VTI1A: variants seen among roughly 807,000 people sequenced by gnomAD.
VTI1A encodes vesicle transport through interaction with t-SNAREs homolog 1A.
VTI1A carries 22 observed loss-of-function variants against 34.9 expected under a neutral mutation model. The observed-to-expected ratio is 0.63, with a 90% CI of 0.45 to 0.90. The LOEUF (loss-of-function observed/expected upper bound fraction) is 0.90, where lower values mean the gene tolerates loss of function less well. VTI1A is among the 40% of genes least tolerant of loss of function. The pLI is 0.00. For synonymous variants in VTI1A, 87 were observed against 97.3 expected, an observed-to-expected ratio of 0.89 and a Z score of 0.62; for missense variants, 268 against 275.6, an observed-to-expected ratio of 0.97 and a Z score of 0.20.
intron 7 of VTI1A, among the ~76,000 whole-genome samples, chr10:112,747,069 G>C (rs1277061535): frequency 1.3e-5 from 2 of 152,194 alleles, no homozygotes; most frequent in Non-Finnish European, 2.9e-5. Context: ...ATTTGAACTA[G>C]GGCAGTCAGA....
intron 7 of VTI1A, among the ~76,000 whole-genome samples, chr10:112,751,959 A>G (rs1015796870): frequency 6.6e-6 from 1 of 152,206 alleles, no homozygotes. Context: ...AATAGCTACA[A>G]CTTACCTAGT....
chr10:112,591,126 C>G (rs1844370288), intron 5 of VTI1A, among the ~76,000 whole-genome samples: 1 of 152,046 alleles, frequency 6.6e-6, no homozygotes, highest in Non-Finnish European at 1.5e-5. Flanking sequence ...AAAGAAATAG[C>G]TTCAGCTACG....
chr10:112,544,445 C>T (rs957499646), intron 5 of VTI1A, among the ~76,000 whole-genome samples: 2 of 152,092 alleles, frequency 1.3e-5, no homozygotes, highest in Non-Finnish European at 2.9e-5. Context: ...AAGTTATCCA[C>T]CCACCTTGGC....
Position 112,527,020 on chromosome 10 carries a change from A to G in VTI1A, c.265-67A>G, listed in dbSNP as rs982507357. 1.2e-5 allele frequency: 18 copies of G among 1,521,758 alleles called. No individual in the cohort carries two copies. The Middle Eastern group carries it at 1.2e-3, about 101-fold the overall frequency. 94.3% of individuals were successfully genotyped at this position (1,521,758 alleles called of 1,614,324 possible). A position where few individuals can be genotyped will look rare whatever the true frequency, so the allele number is the denominator to read the frequency against. ...AGGTTTGAGATCAGCCTTGATACCAATAAAGCTTGGAAGCTTTTACTTTCT... is the reference window on the plus strand; with the variant it reads ...AGGTTTGAGATCAGCCTTGATACCAGTAAAGCTTGGAAGCTTTTACTTTCT... On this transcript the variant is annotated intron_variant, in intron 3 of 7. Transcript: ENST00000393077.
chr10:112,783,287 A>T (rs1361863352), intron 7 of VTI1A, among the ~76,000 whole-genome samples: 1 of 152,108 alleles, frequency 6.6e-6, no homozygotes, highest in Non-Finnish European at 1.5e-5. Context: ...AAATGAAAAC[A>T]ACTTTGGGAT....
At chr10:112,711,929 A>G (rs1171056870) in intron 7 of VTI1A, among the ~76,000 whole-genome samples, 1 of 152,144 alleles carries the variant, frequency 6.6e-6, no homozygotes, top group Admixed American at 6.5e-5. Context: ...TTCTCTGTCC[A>G]TTCTCTAGCT....
the VTI1A span, among the ~76,000 whole-genome samples, chr10:112,837,096 G>A: frequency 1.3e-5 from 2 of 152,192 alleles, no homozygotes; most frequent in African/African-American, 4.8e-5. Context: ...ACCGAGGCAG[G>A]CGGATCACGA....
intron 1 of VTI1A, among the ~76,000 whole-genome samples, chr10:112,455,679 C>T (rs1451124497): frequency 2.6e-4 from 38 of 145,170 alleles, no homozygotes; most frequent in African/African-American, 9.5e-4. Context: ...TCCTTCCTTC[C>T]TTCCTTCCTT....
At chr10:112,457,067 G>GA (rs1270830423) in intron 1 of VTI1A, among the ~76,000 whole-genome samples, 1 of 152,112 alleles carries the variant, frequency 6.6e-6, no homozygotes, top group Non-Finnish European at 1.5e-5. Flanking sequence ...ATTTAGAGAA[G>GA]AAAAAAACAA....
intron 5 of VTI1A, among the ~76,000 whole-genome samples, chr10:112,602,714 G>A (rs1844924158): frequency 6.6e-6 from 1 of 152,158 alleles, no homozygotes; most frequent in Non-Finnish European, 1.5e-5. Context: ...GTTTATAAAG[G>A]ATGCATACAC....
intron 5 of VTI1A, among the ~76,000 whole-genome samples, chr10:112,657,452 CA>C (rs1397907018): frequency 6.6e-6 from 1 of 151,924 alleles, no homozygotes; most frequent in Non-Finnish European, 1.5e-5. Flanking sequence ...AACATTTGTC[CA>C]GGCTTTGAGT....
chr10:112,737,740 C>T, intron 7 of VTI1A: 1 of 1,059,466 alleles, frequency 9.4e-7, no homozygotes, highest in East Asian at 5.2e-5. Context: ...AGCTCTCTGG[C>T]CGCCTTTCCT....
chr10:112,618,518 T>G (rs4997256), intron 5 of VTI1A, among the ~76,000 whole-genome samples: 22,690 of 46,456 alleles, frequency 0.49, 4,420 homozygotes, highest in Non-Finnish European at 0.51. Context: ...TATATATATA[T>G]ATATATAGAG....
chr10:112,612,405 T>TTTTTG (rs922878910), intron 5 of VTI1A, among the ~76,000 whole-genome samples: 2 of 152,136 alleles, frequency 1.3e-5, no homozygotes, highest in Admixed American at 6.5e-5. Flanking sequence ...GACAAGCACC[T>TTTTTG]TTTTGTTTTG....
intron 7 of VTI1A, among the ~76,000 whole-genome samples, chr10:112,747,377 C>T (rs1850934113): frequency 6.6e-6 from 1 of 152,212 alleles, no homozygotes; most frequent in Non-Finnish European, 1.5e-5. Flanking sequence ...GTAAAGTCTA[C>T]TACACACCTA....
chr10:112,737,825 G>A (rs1038844092), intron 7 of VTI1A: 3 of 1,059,884 alleles, frequency 2.8e-6, no homozygotes, highest in Middle Eastern at 4.2e-4. Context: ...CATTTTTCTT[G>A]CATTTCTTTC....
At chr10:112,501,480 AAAAG>A (rs1272707708) in intron 3 of VTI1A, among the ~76,000 whole-genome samples, 12 of 152,228 alleles carry the variant, frequency 7.9e-5, no homozygotes, top group African/African-American at 1.7e-4. Context: ...AAAATGAACA[AAAAG>A]AAAGAAATGA....
At chr10:112,810,168 C>T (rs1224251978) in intron 7 of VTI1A, among the ~76,000 whole-genome samples, 1 of 151,740 alleles carries the variant, frequency 6.6e-6, no homozygotes, top group Non-Finnish European at 1.5e-5. Flanking sequence ...TTTGGGAGGC[C>T]AAGATGGGCA....
At chr10:112,829,549 G>C in the VTI1A span, among the ~76,000 whole-genome samples, 1 of 152,026 alleles carries the variant, frequency 6.6e-6, no homozygotes, top group African/African-American at 2.4e-5. Flanking sequence ...TCAGGAGTTT[G>C]AGACCAGCCT....
Sources: gnomAD v4.1 joint callset for allele counts (sites outside exome capture counted in the v4.1 genomes callset) on GRCh38, gnomAD v4.1.1 for gene constraint, MANE v1.5 for transcripts, NCBI Gene and HGNC (gene_info 2026-07-23, HGNC 2026-07-21) for gene names.